LYRM4: variants seen among roughly 807,000 people sequenced by gnomAD.
LYRM4 encodes LYR motif-containing protein 4.
In LYRM4, 9 loss-of-function variants were observed where a neutral mutation model predicts 11.7. The ratio of observed to expected loss-of-function variants is 0.77; its 90% CI spans 0.46 to 1.34. The LOEUF (loss-of-function observed/expected upper bound fraction) is 1.34, where lower values mean the gene tolerates loss of function less well. LYRM4 is among the 40% of genes most tolerant of loss of function. The pLI, the probability that LYRM4 is intolerant of heterozygous loss-of-function variation, is 0.00. For missense variants in LYRM4, 133 were observed against 112.5 expected (o/e 1.18, Z -0.82); for synonymous variants, 42 against 40.4 (o/e 1.04, Z -0.15).
intron 2 of LYRM4, among the ~76,000 whole-genome samples, chr6:5,120,429 A>G (rs946293703): frequency 2.0e-5 from 3 of 152,154 alleles, no homozygotes; most frequent in African/African-American, 7.2e-5. Flanking sequence ...TGACTTCAGG[A>G]ATGAAGCCAC....
chr6:5,199,156 A>G (rs1761239421), intron 2 of LYRM4, among the ~76,000 whole-genome samples: 1 of 152,260 alleles, frequency 6.6e-6, no homozygotes, highest in African/African-American at 2.4e-5. Context: ...GGATGACCCA[A>G]ATGTTCATCT....
At chr6:5,241,761 G>A (rs1057463137) in intron 1 of LYRM4, among the ~76,000 whole-genome samples, 12 of 152,122 alleles carry the variant, frequency 7.9e-5, no homozygotes, top group African/African-American at 2.9e-4. Flanking sequence ...GAATGAATAT[G>A]GTTCGCAGGC....
downstream of LYRM4, chr6:5,103,233 AAC>A (rs758214093): frequency 6.6e-6 from 1 of 152,248 alleles, no homozygotes; most frequent in Non-Finnish European, 1.5e-5. Context: ...ACAACTGGCA[AAC>A]ACAGAAGAAG....
chr6:5,213,537 C>T lies in LYRM4; in HGVS notation c.207+3081G>A, dbSNP rs77800319. Among the ~76,000 whole-genome samples, 10 of 152,276 alleles carry T rather than the reference C, an allele frequency of 6.6e-5. No individual in the cohort carries two copies. In the East Asian group the frequency reaches 1.7e-3, roughly 27 times the overall value. On this transcript the variant is annotated intron_variant, in intron 2 of 2. Coordinates refer to ENST00000330636, the MANE Select transcript of LYRM4 (RefSeq NM_020408.6). Reference sequence around the variant, plus strand: ...CCGTGAAGCTGGGATCCATGTGCACCTGGGTGGGTGGGGCTTGGAGTCCAA... The same window carrying T: ...CCGTGAAGCTGGGATCCATGTGCACTTGGGTGGGTGGGGCTTGGAGTCCAA...
At chr6:5,251,884 T>C (rs1175578570) in intron 1 of LYRM4, among the ~76,000 whole-genome samples, 1 of 152,240 alleles carries the variant, frequency 6.6e-6, no homozygotes, top group Non-Finnish European at 1.5e-5. Flanking sequence ...CAGGAGCTCA[T>C]GGTTCTAATT....
chr6:5,056,201 T>A, the LYRM4 span, among the ~76,000 whole-genome samples: 1 of 152,182 alleles, frequency 6.6e-6, no homozygotes, highest in Non-Finnish European at 1.5e-5. Flanking sequence ...ATTGGCTTTT[T>A]AAAAAACAGT....
At chr6:5,213,512 C>A (rs946867083) in intron 2 of LYRM4, among the ~76,000 whole-genome samples, 3 of 152,122 alleles carry the variant, frequency 2.0e-5, no homozygotes, top group Non-Finnish European at 4.4e-5. Context: ...ACTGGTGGAA[C>A]CGTGAAGCTG....
At chr6:5,046,777 T>C in the LYRM4 span, among the ~76,000 whole-genome samples, 15 of 152,200 alleles carry the variant, frequency 9.9e-5, no homozygotes, top group African/African-American at 3.1e-4. Context: ...ATGGCTTCCG[T>C]CATATTCTGT....
the LYRM4 span, among the ~76,000 whole-genome samples, chr6:5,074,533 G>C: frequency 6.6e-6 from 1 of 150,630 alleles, no homozygotes; most frequent in East Asian, 2.0e-4. Flanking sequence ...AAGAGAACTA[G>C]AATTCTGAGT....
the LYRM4 span, chr6:5,088,491 G>A: frequency 6.6e-6 from 1 of 152,210 alleles, no homozygotes; most frequent in Admixed American, 6.5e-5. Flanking sequence ...TCACAAATCA[G>A]GTTTTACTGG....
chr6:5,065,867 G>T, the LYRM4 span: 1 of 271,244 alleles, frequency 3.7e-6, no homozygotes, highest in Non-Finnish European at 6.9e-6. Context: ...GTTTCAAAAA[G>T]TTTTTTGAAG....
intron 2 of LYRM4, among the ~76,000 whole-genome samples, chr6:5,128,098 C>T (rs921030215): frequency 2.0e-5 from 3 of 152,020 alleles, no homozygotes; most frequent in Admixed American, 6.5e-5. Flanking sequence ...AGCACCTGGA[C>T]GAGGAAGAGT....
intron 2 of LYRM4, among the ~76,000 whole-genome samples, chr6:5,124,461 T>G (rs188236813): frequency 8.8e-4 from 134 of 152,342 alleles, no homozygotes; most frequent in African/African-American, 3.1e-3. Context: ...TGTCCTTTGC[T>G]TCTTTGTTCT....
intron 1 of LYRM4, among the ~76,000 whole-genome samples, chr6:5,232,612 T>C (rs1377502558): frequency 6.6e-6 from 1 of 152,230 alleles, no homozygotes; most frequent in African/African-American, 2.4e-5. Context: ...CTGCTGCTGT[T>C]TGGATGTTGT....
At chr6:5,227,432 A>G (rs1277225140) in intron 1 of LYRM4, among the ~76,000 whole-genome samples, 2 of 152,228 alleles carry the variant, frequency 1.3e-5, no homozygotes, top group African/African-American at 2.4e-5. Flanking sequence ...AATTGTACAG[A>G]GAGTAGATAA....
chr6:5,110,605 C>CT (rs201816372), intron 2 of LYRM4, among the ~76,000 whole-genome samples: 1,764 of 152,234 alleles, frequency 0.012, 33 homozygotes, highest in African/African-American at 0.04. Context: ...AGCACGTCAT[C>CT]TAAGAAGAAC....
chr6:5,250,270 A>C (rs963807491), intron 1 of LYRM4, among the ~76,000 whole-genome samples: 1 of 152,130 alleles, frequency 6.6e-6, no homozygotes, highest in African/African-American at 2.4e-5. Flanking sequence ...GTATAAATAG[A>C]ATAAGTGCAA....
chr6:5,078,963 A>C, the LYRM4 span, among the ~76,000 whole-genome samples: 1 of 152,194 alleles, frequency 6.6e-6, no homozygotes. Flanking sequence ...ATACTTTGGC[A>C]TATTATATAT....
intron 1 of LYRM4, among the ~76,000 whole-genome samples, chr6:5,239,809 T>C (rs1277357479): frequency 6.6e-6 from 1 of 150,964 alleles, no homozygotes; most frequent in Non-Finnish European, 1.5e-5. Context: ...TTCCCAAGGC[T>C]CTTCCAGACC....
Sources: gnomAD v4.1 joint callset for allele counts (sites outside exome capture counted in the v4.1 genomes callset) on GRCh38, gnomAD v4.1.1 for gene constraint, MANE v1.5 for transcripts, NCBI Gene and HGNC (gene_info 2026-07-23, HGNC 2026-07-21) for gene names.